RGS7: variants seen among roughly 807,000 people sequenced by gnomAD.
RGS7 encodes regulator of G-protein signaling 7.
RGS7 carries 27 observed loss-of-function variants against 81.1 expected under a neutral mutation model. The observed-to-expected ratio is 0.33, with a 90% CI of 0.25 to 0.46. RGS7 has a LOEUF of 0.46. RGS7 is among the 20% of genes least tolerant of loss of function. The probability of loss-of-function intolerance (pLI) is 1.00; values close to 1 mark genes in which losing one functional copy is unlikely to be tolerated. For missense variants in RGS7, 396 were observed against 607.4 expected (o/e 0.65, Z 3.66); for synonymous variants, 208 against 207.7 (o/e 1.00, Z -0.01).
At chr1:241,344,583 G>C (rs976406589) in intron 2 of RGS7, among the ~76,000 whole-genome samples, 1 of 152,202 alleles carries the variant, frequency 6.6e-6, no homozygotes, top group Non-Finnish European at 1.5e-5. Flanking sequence ...AGACAGTCTG[G>C]CTACAAGCCC....
intron 4 of RGS7, among the ~76,000 whole-genome samples, chr1:240,950,176 C>T (rs1038482307): frequency 6.6e-6 from 1 of 152,090 alleles, no homozygotes; most frequent in East Asian, 1.9e-4. Flanking sequence ...ATAAGGAACT[C>T]GAGGGGCTCA....
At chr1:240,963,918 G>A (rs1368532722) in intron 4 of RGS7, among the ~76,000 whole-genome samples, 3 of 152,174 alleles carry the variant, frequency 2.0e-5, no homozygotes, top group Admixed American at 6.5e-5. Context: ...AGGCCGAAGC[G>A]GGTGGATCAC....
intron 2 of RGS7, among the ~76,000 whole-genome samples, chr1:241,285,024 C>T (rs1413504634): frequency 6.6e-6 from 1 of 152,092 alleles, no homozygotes; most frequent in Non-Finnish European, 1.5e-5. Flanking sequence ...GCACCCACCA[C>T]AATGCCCAGC....
chr1:241,011,894 G>A (rs901179937), intron 3 of RGS7, among the ~76,000 whole-genome samples: 33 of 151,984 alleles, frequency 2.2e-4, no homozygotes, highest in African/African-American at 7.3e-4. Flanking sequence ...ACCTAAGGTG[G>A]ATGCATTCCT....
At chr1:240,900,543 GTT>G (rs1669825367) in intron 6 of RGS7, among the ~76,000 whole-genome samples, 1 of 152,104 alleles carries the variant, frequency 6.6e-6, no homozygotes. Flanking sequence ...GTTTGTTGGA[GTT>G]TGCTGGAGGT....
intron 2 of RGS7, among the ~76,000 whole-genome samples, chr1:241,210,560 C>A (rs1314392280): frequency 2.0e-5 from 3 of 152,182 alleles, no homozygotes; most frequent in African/African-American, 7.2e-5. Flanking sequence ...GGACTTCAAA[C>A]CCTTCGTAAA....
chr1:240,811,893 A>G (rs1251219801), intron 14 of RGS7, 25 bp downstream of exon 14: 2 of 1,591,222 alleles, frequency 1.3e-6, no homozygotes, highest in Admixed American at 3.3e-5. Flanking sequence ...TCTCTGGCTT[A>G]TAAGATCCAA....
At chr1:241,203,087 T>C (rs886359020) in intron 2 of RGS7, among the ~76,000 whole-genome samples, 1 of 152,166 alleles carries the variant, frequency 6.6e-6, no homozygotes, top group African/African-American at 2.4e-5. Flanking sequence ...TCACTTAGCA[T>C]GTGATCTTGC....
chr1:241,101,942 T>TCC (rs1319972042), intron 2 of RGS7, among the ~76,000 whole-genome samples: 1 of 152,178 alleles, frequency 6.6e-6, no homozygotes, highest in African/African-American at 2.4e-5. Context: ...TCATCCCCTC[T>TCC]CAGTTCATGG....
At chr1:241,275,340 G>C (rs182017481) in intron 2 of RGS7, among the ~76,000 whole-genome samples, 20 of 152,314 alleles carry the variant, frequency 1.3e-4, no homozygotes, top group African/African-American at 4.6e-4. Context: ...TCACTCCGAG[G>C]AAAGGTAATA....
intron 2 of RGS7, among the ~76,000 whole-genome samples, chr1:241,348,131 C>T (rs2083020006): frequency 6.6e-6 from 1 of 152,094 alleles, no homozygotes; most frequent in Admixed American, 6.5e-5. Context: ...TCCTCAATAA[C>T]ACTCACCACA....
In RGS7 at chr1:241,262,585, T is replaced by C. The variant is rs543032304; in HGVS notation, c.78+93114A>G. The stretch of plus-strand genomic sequence containing the variant: ...ATTAGCTTAACCTCTGCATCAATAG[T>C]TCAGAATTGTGGCCACATCTCACAT... On this transcript the variant is annotated intron_variant, in intron 2 of 18. Coordinates refer to ENST00000440928, the MANE Select transcript of RGS7 (RefSeq NM_001364886.1). 1.9e-3 allele frequency among the ~76,000 whole-genome samples: 288 copies of C among 152,314 alleles called. 1 individual carries two copies. The highest frequency in any genetic ancestry group is 6.4e-3 in the African/African-American group (266 of 41,562).
intron 2 of RGS7, among the ~76,000 whole-genome samples, chr1:241,106,716 CAAAAAAA>C (rs757488665): frequency 2.9e-5 from 1 of 34,050 alleles, no homozygotes; most frequent in Non-Finnish European, 6.9e-5. Flanking sequence ...ACTCCGTCTC[CAAAAAAA>C]AAAAAAAAAA....
In RGS7 at chr1:241,087,951, TCTCTC is replaced by T. The variant is rs1558697572; in HGVS notation, c.175+10710_175+10714del. Among the ~76,000 whole-genome samples the T allele has an allele frequency of 2.1e-3, 159 of 75,756 alleles. 1 individual carries two copies. The highest frequency in any genetic ancestry group is 7.0e-3 in the African/African-American group (153 of 21,740). 49.7% of individuals were successfully genotyped at this position (75,756 alleles called of 152,430 possible). ...GCCACAGAGCAAGACTCCATCTCTC[TCTCTC>T]TCTCTCTCTCTCTCTCTCTCTATAT... On this transcript the variant is annotated intron_variant, in intron 3 of 18. Coordinates refer to ENST00000440928, the MANE Select transcript of RGS7 (RefSeq NM_001364886.1).
intron 2 of RGS7, among the ~76,000 whole-genome samples, chr1:241,141,124 GT>G (rs1304997007): frequency 1.3e-5 from 2 of 152,244 alleles, no homozygotes; most frequent in South Asian, 2.1e-4. Flanking sequence ...CCATACAGGC[GT>G]TTTTTAGTAG....
rs527256283 is a variant in RGS7, at chr1:240,802,464, G to C, written c.1359+440C>G. 3.3e-5 allele frequency among the ~76,000 whole-genome samples: 5 copies of C among 152,236 alleles called. No homozygotes were observed. The East Asian group carries it at 9.6e-4, about 29-fold the overall frequency. ...TCGGAAGCAAACATTCCGACATTTT[G>C]TCATCTATTATTGAAAAAGGTGAGT... On this transcript the variant is annotated intron_variant, in intron 16 of 18. Coordinates refer to ENST00000440928, the MANE Select transcript of RGS7 (RefSeq NM_001364886.1).
Position 240,868,030 on chromosome 1 carries a change from AAAG to A in RGS7, c.609+554_609+556del, listed in dbSNP as rs1265417040. On this transcript the variant is annotated intron_variant, in intron 9 of 18. Coordinates refer to ENST00000440928, the MANE Select transcript of RGS7 (RefSeq NM_001364886.1). The surrounding 1 kb of genome is among the most constrained non-coding windows in gnomAD (Gnocchi z 5.1). Reference sequence around the variant, plus strand: ...GAGAGAGAGAGAAAGAAAGAAAAGAAAAGAAGAGAAAAGAAAGAAAGAAAGAAA... The same window carrying A: ...GAGAGAGAGAGAAAGAAAGAAAAGAAAAGAGAAAAGAAAGAAAGAAAGAAA... Among the ~76,000 whole-genome samples, 1 of 151,458 alleles carries A rather than the reference AAAG, an allele frequency of 6.6e-6. No homozygotes were observed. The highest frequency in any genetic ancestry group is 2.4e-5 in the African/African-American group (1 of 41,220).
At chr1:241,198,750 C>T (rs1454198180) in intron 2 of RGS7, among the ~76,000 whole-genome samples, 1 of 152,068 alleles carries the variant, frequency 6.6e-6, no homozygotes, top group Admixed American at 6.6e-5. Context: ...TTTTACCAAA[C>T]ACATTTGGAA....
At chr1:240,971,137 T>C (rs959510606) in intron 4 of RGS7, among the ~76,000 whole-genome samples, 1 of 152,126 alleles carries the variant, frequency 6.6e-6, no homozygotes, top group African/African-American at 2.4e-5. Flanking sequence ...ATTAGTGCTT[T>C]TATAAAAGAG....
Sources: allele counts gnomAD v4.1 joint callset (sites outside exome capture counted in the v4.1 genomes callset), GRCh38; gene constraint gnomAD v4.1.1; non-coding constraint Gnocchi (gnomAD v3.1); transcripts MANE v1.5; gene names NCBI Gene and HGNC (gene_info 2026-07-23, HGNC 2026-07-21).